MED1: variants seen among roughly 807,000 people sequenced by gnomAD.
The protein encoded by MED1 is mediator of RNA polymerase II transcription subunit 1.
In MED1, 17 loss-of-function variants were observed where a neutral mutation model predicts 121.3. The observed-to-expected ratio is 0.14, with a 90% confidence interval of 0.10 to 0.21. MED1 has a LOEUF of 0.21. Ranked by LOEUF, MED1 falls within the 10% of genes least tolerant of loss-of-function variation. The pLI, the probability that MED1 is intolerant of heterozygous loss-of-function variation, is 1.00. For synonymous variants in MED1, 661 were observed against 694.4 expected, an observed-to-expected ratio of 0.95 and a Z score of 0.76; for missense variants, 1,558 against 1,919.4, an observed-to-expected ratio of 0.81 and a Z score of 3.52.
At chr17:39,439,935 GGAA>G (rs2048655620) in intron 5 of MED1, among the ~76,000 whole-genome samples, 1 of 134,392 alleles carries the variant, frequency 7.4e-6, no homozygotes, top group Non-Finnish European at 1.5e-5. Flanking sequence ...TCTGTCCCAG[GGAA>G]AAAAAAAAAG....
intron 1 of MED1, among the ~76,000 whole-genome samples, chr17:39,448,802 G>A (rs1013801489): frequency 8.6e-5 from 13 of 152,006 alleles, no homozygotes; most frequent in Non-Finnish European, 1.6e-4. Flanking sequence ...CCAGCTACTC[G>A]GAAGGCTGAG....
intron 6 of MED1, among the ~76,000 whole-genome samples, chr17:39,436,595 TAA>T (rs1036615210): frequency 3.9e-5 from 6 of 152,130 alleles, no homozygotes; most frequent in African/African-American, 1.4e-4. Flanking sequence ...CACTATCTGC[TAA>T]AAGCGACTGT....
chr17:39,425,781 G>A (rs202083486), intron 10 of MED1, among the ~76,000 whole-genome samples: 7 of 149,906 alleles, frequency 4.7e-5, no homozygotes, highest in East Asian at 2.0e-4. Context: ...CAGCCTGGGC[G>A]ACAGAGTGAG....
At chr17:39,412,416 CA>C (rs762223430) in intron 16 of MED1, among the ~76,000 whole-genome samples, 2 of 150,538 alleles carry the variant, frequency 1.3e-5, no homozygotes, top group Non-Finnish European at 3.0e-5. Flanking sequence ...TTAGTAGAGA[CA>C]GGGTTTCTCC....
rs184700503 is a variant in MED1 at position 39,426,825 on chromosome 17, C to T, written c.739+876G>A. On this transcript the variant is annotated intron_variant, in intron 10 of 16. Transcript: ENST00000300651. ...CTGGGATTACAGGCATGAGCCACCG[C>T]GCCCGGCAGTCTATCTCTCTTTATC... Among the ~76,000 whole-genome samples the T allele has an allele frequency of 4.2e-4, 64 of 152,152 alleles. 1 individual carries two copies. Among genetic ancestry groups the T allele is most frequent in the East Asian group, 2.3e-3 (12 of 5,170 alleles).
chr17:39,439,655 C>T (rs1188491723), intron 5 of MED1, among the ~76,000 whole-genome samples: 2 of 152,042 alleles, frequency 1.3e-5, no homozygotes, highest in African/African-American at 4.8e-5. Flanking sequence ...GAAAAGGGTT[C>T]CTGCCGGTGC....
chr17:39,409,944 G>C lies in MED1; in HGVS notation c.2277C>G (p.Pro759=). 1 of 1,614,136 alleles carries C rather than the reference G, an allele frequency of 6.2e-7. No homozygotes were observed. The highest frequency in any genetic ancestry group is 8.5e-7 in the Non-Finnish European group (1 of 1,180,030). ...GGACCATCCTTTGAATACTGGGTTG[G>C]GGGTGAGGTACTGGTTGTGGGTAAG... ...PTTYPQPVPH[P]QPSIQRMVRL... The change falls in exon 17 of 17, where the codon CCC becomes CCG. Residue 759 remains proline, a synonymous_variant. Transcript: ENST00000300651.
chr17:39,409,474 C>A lies in MED1; in HGVS notation c.2747G>T (p.Gly916Val). Reference sequence around the variant, plus strand: ...GTTATTGCCCTTAAACTTGGTCTCCCCATTATCACCTCCAAGCATTGGCAC... The same window carrying A: ...GTTATTGCCCTTAAACTTGGTCTCCACATTATCACCTCCAAGCATTGGCAC... ...LGVPMLGGDNGETKFKGNNQA... is the reference protein window; with the variant it reads ...LGVPMLGGDNVETKFKGNNQA... The change falls in exon 17 of 17, where the codon GGG (glycine) becomes GTG (valine). Residue 916 changes from glycine (G) to valine (V), a missense_variant. By Grantham distance (109) the Gly-to-Val change is moderately radical (BLOSUM62 -3). Coordinates refer to ENST00000300651, the MANE Select transcript of MED1 (RefSeq NM_004774.4). 6.2e-7 allele frequency: 1 copy of A among 1,614,114 alleles called. No individual in the cohort carries two copies. Among genetic ancestry groups the A allele is most frequent in the Middle Eastern group, 1.6e-4 (1 of 6,062 alleles).
intron 1 of MED1, among the ~76,000 whole-genome samples, chr17:39,450,819 C>A (rs1168966646): frequency 3.9e-5 from 6 of 152,102 alleles, no homozygotes; most frequent in African/African-American, 1.4e-4. Flanking sequence ...CCTAGTCGAG[C>A]ATGAAATCTT....
chr17:39,438,364 G>A (rs77149668), intron 6 of MED1, among the ~76,000 whole-genome samples: 1 of 105,418 alleles, frequency 9.5e-6, no homozygotes, highest in Admixed American at 1.2e-4. Context: ...TTTTTTTTGA[G>A]ACGGCGTCTT....
intron 3 of MED1, among the ~76,000 whole-genome samples, chr17:39,442,996 C>CTTTT (rs754729976): frequency 5.6e-4 from 46 of 82,870 alleles, no homozygotes; most frequent in African/African-American, 1.1e-3. Context: ...TCCCAGGTAT[C>CTTTT]TTTTTTTTTT....
At position 39,434,257 on chromosome 17, in the gene MED1, T is replaced by A; in HGVS notation, c.492A>T (p.Pro164=). The A allele has an allele frequency of 1.9e-6, 3 of 1,552,662 alleles. No homozygotes were observed. The highest frequency in any genetic ancestry group is 2.6e-6 in the Non-Finnish European group (3 of 1,151,692). Reference sequence around the variant, plus strand: ...ATATTAAAAATACTTACTTGTCCCCTGGAAGGTTATACAGATTAACAAGGC... The same window carrying A: ...ATATTAAAAATACTTACTTGTCCCCAGGAAGGTTATACAGATTAACAAGGC... ...LKGLVNLYNL[P]GDNKLKTKMY... The change falls in exon 7 of 17, where the codon CCA becomes CCT. Residue 164 remains proline, a synonymous_variant. Transcript: ENST00000300651.
In MED1 at chr17:39,407,916, G is replaced by C; in HGVS notation, c.4305C>G (p.Leu1435=). 1 of 1,614,150 alleles carries C rather than the reference G, an allele frequency of 6.2e-7. No individual in the cohort carries two copies. Among genetic ancestry groups the C allele is most frequent in the Non-Finnish European group, 8.5e-7 (1 of 1,180,050 alleles). The change falls in exon 17 of 17, where the codon CTC becomes CTG. Residue 1435 remains leucine, a synonymous_variant. Transcript: ENST00000300651. ...MASSKNYGSP[L]ISGSTPKHER... ...CATGCTTTGGAGTGGAACCACTGAT[G>C]AGTGGAGAGCCATAGTTTTTAGAAG... is the stretch of plus-strand genomic sequence containing the variant.
intron 14 of MED1, among the ~76,000 whole-genome samples, chr17:39,415,626 C>T (rs1200447234): frequency 1.3e-5 from 2 of 152,088 alleles, no homozygotes; most frequent in Non-Finnish European, 2.9e-5. Flanking sequence ...GCCTGACCAA[C>T]ATGGACAAAC....
At chr17:39,444,566 A>G (rs1215737587) in intron 2 of MED1, among the ~76,000 whole-genome samples, 2 of 149,914 alleles carry the variant, frequency 1.3e-5, no homozygotes, top group Non-Finnish European at 3.0e-5. Context: ...ACTTCCAAAG[A>G]ACAAAAACTT....
intron 13 of MED1, among the ~76,000 whole-genome samples, chr17:39,423,108 G>A (rs1376543207): frequency 1.3e-5 from 2 of 151,428 alleles, no homozygotes; most frequent in African/African-American, 4.9e-5. Context: ...CTCACGATCC[G>A]CCTGCCTTGG....
intron 9 of MED1, among the ~76,000 whole-genome samples, chr17:39,429,979 A>C (rs2048550660): frequency 6.6e-6 from 1 of 152,118 alleles, no homozygotes. Context: ...GCTACTCAGG[A>C]AACTGAGTTA....
rs1025276464 is a variant in MED1 at position 39,404,424 on chromosome 17, C to T, written c.*3051G>A. The T allele has an allele frequency of 6.6e-6, 1 of 152,222 alleles. No homozygotes were observed. Among genetic ancestry groups the T allele is most frequent in the Non-Finnish European group, 1.5e-5 (1 of 68,038 alleles). 9.4% of individuals were successfully genotyped at this position (152,222 alleles called of 1,614,324 possible). A position where few individuals can be genotyped will look rare whatever the true frequency, so the allele number is the denominator to read the frequency against. On this transcript the variant is annotated 3_prime_UTR_variant, in exon 17 of 17. Coordinates refer to ENST00000300651, the MANE Select transcript of MED1 (RefSeq NM_004774.4). Reference sequence around the variant, plus strand: ...AAAGTATTTACAAAACGGCCATATGCACAGAAAACCAAATTTGAAAGATTT... The same window carrying T: ...AAAGTATTTACAAAACGGCCATATGTACAGAAAACCAAATTTGAAAGATTT...
chr17:39,432,004 A>G lies in MED1; in HGVS notation c.513T>C (p.Thr171=). The G allele has an allele frequency of 6.2e-7, 1 of 1,607,232 alleles. No homozygotes were observed. The highest frequency in any genetic ancestry group is 8.5e-7 in the Non-Finnish European group (1 of 1,173,816). Residue 171 remains threonine (T), a synonymous_variant, in exon 8 of 17, where the codon ACT becomes ACC. Coordinates refer to ENST00000300651, the MANE Select transcript of MED1 (RefSeq NM_004774.4). ...AGGATTGGAGAGCCAAGTACATTTTAGTCTTCAGTTTGCTGGAGAGTAGAT... is the reference window on the plus strand; with the variant it reads ...AGGATTGGAGAGCCAAGTACATTTTGGTCTTCAGTTTGCTGGAGAGTAGAT... The part of the protein sequence containing the change: ...YNLPGDNKLK[T]KMYLALQSLE...
Sources: allele counts gnomAD v4.1 joint callset (sites outside exome capture counted in the v4.1 genomes callset), GRCh38; gene constraint gnomAD v4.1.1; transcripts MANE v1.5; gene names NCBI Gene and HGNC (gene_info 2026-07-23, HGNC 2026-07-21).